LCLAT1: variants seen among roughly 807,000 people sequenced by gnomAD.
LCLAT1 encodes 1-AGP acyltransferase 8.
In LCLAT1, 11 loss-of-function variants were observed where a neutral mutation model predicts 30.7. The observed-to-expected ratio is 0.36, with a 90% CI of 0.23 to 0.59. The LOEUF (loss-of-function observed/expected upper bound fraction) is 0.59. LCLAT1 is among the 20% of genes least tolerant of loss of function. The pLI, the probability that LCLAT1 is intolerant of heterozygous loss-of-function variation, is 0.77. For synonymous variants in LCLAT1, 155 were observed against 151.3 expected (o/e 1.02, Z -0.18); for missense variants, 402 against 458.6 (o/e 0.88, Z 1.13).
At chr2:30,567,812 C>G (rs771300459) in intron 4 of LCLAT1, among the ~76,000 whole-genome samples, 6 of 152,214 alleles carry the variant, frequency 3.9e-5, no homozygotes, top group Non-Finnish European at 8.8e-5. Flanking sequence ...TTCCCTCCCA[C>G]CAAACTTGGC....
intron 4 of LCLAT1, among the ~76,000 whole-genome samples, chr2:30,567,218 TTGAA>T (rs1034915993): frequency 6.6e-6 from 1 of 152,212 alleles, no homozygotes; most frequent in African/African-American, 2.4e-5. Flanking sequence ...TTAATTTTCA[TTGAA>T]TGTTGACTTT....
At chr2:30,611,888 A>C (rs1002850476) in intron 5 of LCLAT1, among the ~76,000 whole-genome samples, 4 of 152,176 alleles carry the variant, frequency 2.6e-5, no homozygotes, top group African/African-American at 9.6e-5. Context: ...TGGGCGTATC[A>C]TGCCCATAAG....
intron 1 of LCLAT1, 121 bp from the exon 2 acceptor site, chr2:30,525,466 G>A (rs186404851): frequency 5.0e-4 from 373 of 752,952 alleles, no homozygotes; most frequent in Middle Eastern, 2.0e-3. Flanking sequence ...CTCTTATATT[G>A]TTTCTTAGAG....
chr2:30,588,999 A>C (rs1312998732), intron 5 of LCLAT1, among the ~76,000 whole-genome samples: 1 of 152,254 alleles, frequency 6.6e-6, no homozygotes, highest in African/African-American at 2.4e-5. Flanking sequence ...TTATTGAAAA[A>C]AATCTTAACA....
intron 5 of LCLAT1, among the ~76,000 whole-genome samples, chr2:30,631,241 G>T (rs1668755274): frequency 6.6e-6 from 1 of 152,258 alleles, no homozygotes; most frequent in East Asian, 1.9e-4. Context: ...TCTGTATGTG[G>T]TTTTCTTAGG....
intron 5 of LCLAT1, among the ~76,000 whole-genome samples, chr2:30,602,888 G>A (rs1023214235): frequency 2.0e-5 from 3 of 152,112 alleles, no homozygotes; most frequent in African/African-American, 7.2e-5. Flanking sequence ...ATAAGAAGAT[G>A]TCTAGAAATG....
chr2:30,504,735 A>AT (rs1684575272), intron 1 of LCLAT1, among the ~76,000 whole-genome samples: 1 of 152,008 alleles, frequency 6.6e-6, no homozygotes, highest in African/African-American at 2.4e-5. Flanking sequence ...TTTTAACCCT[A>AT]TAAGTAACAA....
At chr2:30,470,097 C>T (rs1053521090) in intron 1 of LCLAT1, among the ~76,000 whole-genome samples, 6 of 152,042 alleles carry the variant, frequency 3.9e-5, no homozygotes, top group Non-Finnish European at 7.4e-5. Flanking sequence ...TCTTGTGTGT[C>T]GAGTCAGTTT....
intron 1 of LCLAT1, among the ~76,000 whole-genome samples, chr2:30,488,877 G>T (rs890642680): frequency 1.3e-5 from 2 of 152,172 alleles, no homozygotes; most frequent in African/African-American, 4.8e-5. Context: ...GATGCTCACC[G>T]AAGGCAGTTA....
intron 5 of LCLAT1, among the ~76,000 whole-genome samples, chr2:30,627,978 A>T (rs546003879): frequency 4.7e-4 from 72 of 152,320 alleles, no homozygotes; most frequent in Middle Eastern, 6.8e-3. Context: ...AAAGACTGGA[A>T]AATTGACCAT....
intron 5 of LCLAT1, among the ~76,000 whole-genome samples, chr2:30,578,083 C>A (rs1316409001): frequency 2.6e-5 from 4 of 152,032 alleles, no homozygotes; most frequent in Non-Finnish European, 4.4e-5. Context: ...AGTTGTTTGT[C>A]TTATCTCTAG....
intron 5 of LCLAT1, among the ~76,000 whole-genome samples, chr2:30,593,004 G>A (rs891969172): frequency 6.6e-6 from 1 of 151,944 alleles, no homozygotes; most frequent in African/African-American, 2.4e-5. Flanking sequence ...TACCATACTA[G>A]AACTTACTCC....
chr2:30,460,717 A>G (rs773822261), intron 1 of LCLAT1, among the ~76,000 whole-genome samples: 10 of 152,154 alleles, frequency 6.6e-5, no homozygotes, highest in Non-Finnish European at 1.2e-4. Context: ...GCCCTTAGAT[A>G]GTTCAGGAAA....
intron 1 of LCLAT1, among the ~76,000 whole-genome samples, chr2:30,479,429 T>C (rs1043003468): frequency 6.6e-6 from 1 of 152,066 alleles, no homozygotes; most frequent in Non-Finnish European, 1.5e-5. Context: ...CCCATTTTTG[T>C]AGAGGTGGGA....
At position 30,642,470 on chromosome 2, in the gene LCLAT1, T is replaced by C. The variant is rs1359517227; in HGVS notation, c.*1851T>C. 1 of 151,942 alleles carries C rather than the reference T, an allele frequency of 6.6e-6. No individual in the cohort carries two copies. The highest frequency in any genetic ancestry group is 1.5e-5 in the Non-Finnish European group (1 of 67,984). The allele number at this position is 151,942 out of a possible 1,614,324, so 9.4% of individuals were successfully genotyped here. On this transcript the variant is annotated 3_prime_UTR_variant, in exon 6 of 6. Coordinates refer to ENST00000379509, the MANE Select transcript of LCLAT1 (RefSeq NM_001002257.3). Reference sequence around the variant, plus strand: ...CCCCTTAATAAAAGAGGTTTCTAATTTATGTTTCTCTAAGATTTCCTTTGG... The same window carrying C: ...CCCCTTAATAAAAGAGGTTTCTAATCTATGTTTCTCTAAGATTTCCTTTGG...
At chr2:30,546,673 CAT>C (rs770965042) in intron 3 of LCLAT1, among the ~76,000 whole-genome samples, 22 of 152,146 alleles carry the variant, frequency 1.4e-4, no homozygotes, top group Non-Finnish European at 2.1e-4. Flanking sequence ...TTTACTATCA[CAT>C]GTTAGCCACA....
intron 1 of LCLAT1, among the ~76,000 whole-genome samples, chr2:30,512,653 A>T (rs536631065): frequency 4.6e-5 from 7 of 152,352 alleles, no homozygotes; most frequent in East Asian, 1.9e-4. Flanking sequence ...ACACATTTTT[A>T]AAAAATTTGG....
intron 1 of LCLAT1, among the ~76,000 whole-genome samples, chr2:30,465,105 C>G (rs1682355151): frequency 6.6e-6 from 1 of 152,052 alleles, no homozygotes; most frequent in Admixed American, 6.6e-5. Context: ...GAAATGTTAC[C>G]TTGTATGTTA....
At chr2:30,601,567 G>C (rs1357716443) in intron 5 of LCLAT1, among the ~76,000 whole-genome samples, 1 of 152,108 alleles carries the variant, frequency 6.6e-6, no homozygotes, top group Non-Finnish European at 1.5e-5. Context: ...ATGTGGGCCA[G>C]TTGATATCCC....
Sources: allele counts gnomAD v4.1 joint callset (sites outside exome capture counted in the v4.1 genomes callset), GRCh38; gene constraint gnomAD v4.1.1; transcripts MANE v1.5; gene names NCBI Gene and HGNC (gene_info 2026-07-23, HGNC 2026-07-21).